NUP155: variants seen among roughly 807,000 people sequenced by gnomAD.
NUP155 encodes the protein nucleoporin 155.
Under a neutral mutation model 180.4 loss-of-function variants are expected in NUP155, and 71 were observed. The observed-to-expected ratio is 0.39, with a 90% CI of 0.33 to 0.48. The LOEUF (loss-of-function observed/expected upper bound fraction) is 0.48. NUP155 is among the 20% of genes least tolerant of loss of function. The pLI, the probability that NUP155 is intolerant of heterozygous loss-of-function variation, is 0.91. For missense variants in NUP155, 1,553 were observed against 1,648.9 expected, an observed-to-expected ratio of 0.94 and a Z score of 1.01; for synonymous variants, 582 against 559.5, an observed-to-expected ratio of 1.04 and a Z score of -0.57.
intron 9 of NUP155, among the ~76,000 whole-genome samples, chr5:37,345,599 T>C (rs1163578983): frequency 6.7e-6 from 1 of 148,548 alleles, no homozygotes; most frequent in Non-Finnish European, 1.5e-5. Context: ...AATGTTAAAA[T>C]TGAGATAAAG....
rs999236837 is a variant in NUP155, at chr5:37,310,672, T to A, written c.2508A>T (p.Ala836=). Residue 836 remains alanine (A), a synonymous_variant, in exon 23 of 35, where the codon GCA becomes GCT. Coordinates refer to ENST00000231498, the MANE Select transcript of NUP155 (RefSeq NM_153485.3). ...LVIRDKELTG[A]LIASLINCYI... The stretch of plus-strand genomic sequence containing the variant: ...AGCAGTTGATAAGAGAAGCAATTAA[T>A]GCCCCTGTGAGTTCTTTGTCCCTGA... 3.1e-6 allele frequency: 5 copies of A among 1,613,812 alleles called. No homozygotes were observed. The highest frequency in any genetic ancestry group is 2.5e-6 in the Non-Finnish European group (3 of 1,179,892).
At chr5:37,295,778 CCTGT>C (rs1339819850) in intron 32 of NUP155, among the ~76,000 whole-genome samples, 2 of 151,680 alleles carry the variant, frequency 1.3e-5, no homozygotes, top group African/African-American at 4.9e-5. Context: ...TGGCAACCGC[CCTGT>C]CTGAGAAGTG....
chr5:37,313,178 C>T (rs1180781167), intron 22 of NUP155, among the ~76,000 whole-genome samples: 1 of 151,950 alleles, frequency 6.6e-6, no homozygotes, highest in Non-Finnish European at 1.5e-5. Context: ...CGTCTGTAAT[C>T]CTAGCATTTT....
chr5:37,309,479 C>T, intron 23 of NUP155: 4 of 523,214 alleles, frequency 7.6e-6, no homozygotes, highest in Non-Finnish European at 1.4e-5. Context: ...ATATGTTAAG[C>T]AAGAGAACTT....
chr5:37,370,543 T>C (rs1413811190), intron 1 of NUP155: 7 of 836,070 alleles, frequency 8.4e-6, no homozygotes, highest in Non-Finnish European at 1.2e-5. Flanking sequence ...CATAAGCACT[T>C]GAGAGCGGCG....
intron 18 of NUP155, chr5:37,327,072 T>C (rs567335640): frequency 6.5e-6 from 1 of 153,862 alleles, no homozygotes; most frequent in Non-Finnish European, 1.4e-5. Context: ...ATTTTCTTAA[T>C]TTTTTTTCTC....
intron 19 of NUP155, among the ~76,000 whole-genome samples, chr5:37,325,233 G>A (rs761329468): frequency 6.6e-6 from 1 of 152,092 alleles, no homozygotes; most frequent in Non-Finnish European, 1.5e-5. Context: ...GGTCCATGGA[G>A]TTTTCGTTCA....
Position 37,328,351 on chromosome 5 carries a change from G to T in NUP155, c.1876+7C>A. ...TGAATCCAATCCAAAACAAAGAAAAGAGGTACCATGAGACGGTGTTCCCAA... is the reference window on the plus strand; with the variant it reads ...TGAATCCAATCCAAAACAAAGAAAATAGGTACCATGAGACGGTGTTCCCAA... On this transcript the variant is annotated splice_region_variant and intron_variant, in intron 17 of 34. Transcript: ENST00000231498. 6.3e-7 allele frequency: 1 copy of T among 1,595,716 alleles called. No homozygotes were observed. The highest frequency in any genetic ancestry group is 8.6e-7 in the Non-Finnish European group (1 of 1,163,514).
At chr5:37,343,295 C>T (rs1484718828) in intron 9 of NUP155, among the ~76,000 whole-genome samples, 2 of 151,816 alleles carry the variant, frequency 1.3e-5, no homozygotes, top group South Asian at 2.1e-4. Context: ...AGGATGGTCT[C>T]GATCTCCTGA....
In NUP155 at chr5:37,329,175, A is replaced by G. The variant is rs1437437766; in HGVS notation, c.1813+15T>C. 6.3e-7 allele frequency: 1 copy of G among 1,577,272 alleles called. No homozygotes were observed. Among genetic ancestry groups the G allele is most frequent in the African/African-American group, 1.3e-5 (1 of 74,160 alleles). On this transcript the variant is annotated intron_variant, in intron 16 of 34. Coordinates refer to ENST00000231498, the MANE Select transcript of NUP155 (RefSeq NM_153485.3). ...AACGATTAGAAACAATTTCATTTCA[A>G]TGTTCCATACTCACTAGAATAGACA...
At position 37,288,734 on chromosome 5, in the gene NUP155, C is replaced by T. The variant is rs927792019; in HGVS notation, c.*3166G>A. On this transcript the variant is annotated 3_prime_UTR_variant, in exon 35 of 35. Coordinates refer to ENST00000231498, the MANE Select transcript of NUP155 (RefSeq NM_153485.3). ...TGGGCAACAGAGTGAGATCTTTTGGCTACACAAAAAATTAAAAAAAAAAAA... is the reference window on the plus strand; with the variant it reads ...TGGGCAACAGAGTGAGATCTTTTGGTTACACAAAAAATTAAAAAAAAAAAA... 5 of 95,116 alleles carry T rather than the reference C, an allele frequency of 5.3e-5. No homozygotes were observed. Among genetic ancestry groups the T allele is most frequent in the Non-Finnish European group, 7.7e-5 (4 of 51,762 alleles). 5.9% of individuals were successfully genotyped at this position (95,116 alleles called of 1,614,324 possible).
intron 9 of NUP155, among the ~76,000 whole-genome samples, chr5:37,345,617 T>C (rs1437839324): frequency 2.0e-5 from 3 of 151,346 alleles, no homozygotes; most frequent in Non-Finnish European, 4.4e-5. Context: ...AAGAGTGTAT[T>C]AGTTTTGCCG....
intron 21 of NUP155, among the ~76,000 whole-genome samples, chr5:37,314,587 C>T (rs41270331): frequency 0.052 from 7,971 of 152,192 alleles, 231 homozygotes; most frequent in South Asian, 0.081. Flanking sequence ...CCTGTAATCC[C>T]AGCACTTTGG....
intron 10 of NUP155, 143 bp downstream of exon 10, chr5:37,342,406 C>A: frequency 1.6e-6 from 1 of 618,202 alleles, no homozygotes; most frequent in East Asian, 2.9e-5. Flanking sequence ...TCCCAGTTTT[C>A]AAAATCCTTT....
chr5:37,350,517 T>A lies in NUP155; in HGVS notation c.724-252A>T, dbSNP rs1298087604. ...ACATACTGTTAGATGAAAAGCCAGT[T>A]ATGGGCTGGGCACAGTGGCTCGCAC... On this transcript the variant is annotated intron_variant, in intron 6 of 34. Coordinates refer to ENST00000231498, the MANE Select transcript of NUP155 (RefSeq NM_153485.3). Among the ~76,000 whole-genome samples, 3 of 152,124 alleles carry A rather than the reference T, an allele frequency of 2.0e-5. No individual in the cohort carries two copies. In the East Asian group the frequency reaches 5.8e-4, roughly 29 times the overall value.
intron 1 of NUP155, among the ~76,000 whole-genome samples, chr5:37,364,662 A>C (rs972933923): frequency 2.0e-5 from 3 of 150,938 alleles, no homozygotes; most frequent in Non-Finnish European, 2.9e-5. Context: ...TTTGAGATAG[A>C]GTCTCGCACT....
chr5:37,299,009 C>A, intron 31 of NUP155, 31 bp from the exon 32 acceptor site: 1 of 1,254,690 alleles, frequency 8.0e-7, no homozygotes, highest in East Asian at 2.3e-5. Context: ...ATTTGAAACC[C>A]AAATTACTTT....
At position 37,291,834 on chromosome 5, in the gene NUP155, G is replaced by T; in HGVS notation, c.*66C>A. The T allele has an allele frequency of 6.9e-7, 1 of 1,446,334 alleles. No homozygotes were observed. The highest frequency in any genetic ancestry group is 9.7e-7 in the Non-Finnish European group (1 of 1,028,914). 89.6% of individuals were successfully genotyped at this position (1,446,334 alleles called of 1,614,324 possible). A position where few individuals can be genotyped will look rare whatever the true frequency, so the allele number is the denominator to read the frequency against. ...TTACATTCTTAGATTTAGAACACCT[G>T]ATATCTGGACCCAGCTGAGTTTTTA... is the stretch of plus-strand genomic sequence containing the variant. On this transcript the variant is annotated 3_prime_UTR_variant, in exon 35 of 35. Transcript: ENST00000231498.
intron 3 of NUP155, among the ~76,000 whole-genome samples, chr5:37,361,486 C>T (rs1747220524): frequency 6.6e-6 from 1 of 152,134 alleles, no homozygotes; most frequent in Non-Finnish European, 1.5e-5. Flanking sequence ...CACACAGGAA[C>T]AAAATAGCTA....
Sources: allele counts gnomAD v4.1 joint callset (sites outside exome capture counted in the v4.1 genomes callset), GRCh38; gene constraint gnomAD v4.1.1; transcripts MANE v1.5; gene names NCBI Gene and HGNC (gene_info 2026-07-23, HGNC 2026-07-21).